Variants in ST14 observed in about 807,000 individuals in gnomAD.
ST14 encodes suppressor of tumorigenicity 14 protein.
In ST14, 40 loss-of-function variants were observed where a neutral mutation model predicts 96.5. That is an observed-to-expected ratio of 0.41 (90% CI 0.32 to 0.54). The LOEUF is 0.54. ST14 is among the 20% of genes least tolerant of loss of function. The probability of loss-of-function intolerance (pLI) is 0.17; values close to 1 mark genes in which losing one functional copy is unlikely to be tolerated. For missense variants in ST14, 1,066 were observed against 1,188.9 expected, an observed-to-expected ratio of 0.90 and a Z score of 1.52; for synonymous variants, 506 against 492.1, an observed-to-expected ratio of 1.03 and a Z score of -0.37.
In ST14 at chr11:130,209,694, G is replaced by A. The variant is rs1187950146; in HGVS notation, c.2439G>A (p.Glu813=). The A allele has an allele frequency of 6.2e-7, 1 of 1,613,724 alleles. No homozygotes were observed. The highest frequency in any genetic ancestry group is 1.1e-5 in the South Asian group (1 of 91,082). The change falls in exon 19 of 19, where the codon GAG becomes GAA. Residue 813 remains glutamate (E), a synonymous_variant. Transcript: ENST00000278742. ...CCGGGGGACCCCTGTCCAGCGTGGA[G>A]GCGGATGGGCGGATCTTCCAGGCCG... ...GDSGGPLSSV[E]ADGRIFQAGV...
Position 130,208,457 on chromosome 11 carries a change from A to G in ST14, c.2042A>G (p.Gln681Arg). The G allele has an allele frequency of 6.2e-7, 1 of 1,614,168 alleles. No individual in the cohort carries two copies. Among genetic ancestry groups the G allele is most frequent in the East Asian group, 2.2e-5 (1 of 44,882 alleles). ...QWTAFLGLHD[Q>R]SQRSAPGVQE... The stretch of plus-strand genomic sequence containing the variant: ...ACGGCCTTCCTGGGCTTGCACGACC[A>G]GAGCCAGCGCAGCGCCCCTGGGGTG... The change falls in exon 17 of 19, where the codon CAG (glutamine) becomes CGG (arginine). Residue 681 changes from glutamine (Q) to arginine (R), a missense_variant. By Grantham distance (43) the Gln-to-Arg change is conservative. Transcript: ENST00000278742.
chr11:130,176,371 T>C (rs1229484846), intron 1 of ST14, among the ~76,000 whole-genome samples: 1 of 141,984 alleles, frequency 7.0e-6, no homozygotes, highest in Non-Finnish European at 1.5e-5. Context: ...TTACTTTTCC[T>C]TTTTTTTTTT....
Position 130,187,350 on chromosome 11 carries a change from C to A in ST14, c.82-764C>A, listed in dbSNP as rs919115217. 1.3e-5 allele frequency among the ~76,000 whole-genome samples: 2 copies of A among 152,164 alleles called. No individual in the cohort carries two copies. The highest frequency in any genetic ancestry group is 1.9e-4 in the East Asian group (1 of 5,194). On this transcript the variant is annotated intron_variant, in intron 1 of 18. Coordinates refer to ENST00000278742, the MANE Select transcript of ST14 (RefSeq NM_021978.4). The surrounding 1 kb of genome is among the most constrained non-coding windows in gnomAD (Gnocchi z 4.5). ...GTATTCTGGCCCCTCATCATGGATA[C>A]CCTTGGCAGGGAGGAACCCGGGGAA... is the stretch of plus-strand genomic sequence containing the variant.
rs1440937401 is a variant in ST14, at chr11:130,209,474, A to T, written c.2302A>T (p.Ile768Phe). 2 of 1,585,976 alleles carry T rather than the reference A, an allele frequency of 1.3e-6. No homozygotes were observed. The highest frequency in any genetic ancestry group is 1.3e-5 in the African/African-American group (1 of 74,580). Reference protein sequence around the residue: ...TGALILQKGEIRVINQTTCEN... With the variant: ...TGALILQKGEFRVINQTTCEN... ...CGCGCTGATCCTGCAAAAGGGTGAG[A>T]TCCGCGTCATCAACCAGACCACCTG... The change falls in exon 18 of 19, where the codon ATC becomes TTC. Residue 768 changes from isoleucine to phenylalanine, a missense_variant. Physicochemically the swap from Ile to Phe is conservative, Grantham distance 21. Coordinates refer to ENST00000278742, the MANE Select transcript of ST14 (RefSeq NM_021978.4).
intron 1 of ST14, among the ~76,000 whole-genome samples, chr11:130,175,649 G>C (rs902374371): frequency 2.0e-5 from 3 of 150,968 alleles, no homozygotes; most frequent in African/African-American, 4.9e-5. Flanking sequence ...CCAAAATGCT[G>C]GTGGGATTAC....
At chr11:130,190,286 T>A in intron 6 of ST14, 138 bp downstream of exon 6, 1 of 1,474,310 alleles carries the variant, frequency 6.8e-7, no homozygotes, top group Non-Finnish European at 9.4e-7. Flanking sequence ...CCCTTCCTCT[T>A]CCAGGCCCTT....
At position 130,196,446 on chromosome 11, in the gene ST14, G is replaced by C; in HGVS notation, c.1221G>C (p.Glu407Asp). Residue 407 changes from glutamate to aspartate, a missense_variant and splice_region_variant, in exon 10 of 19, where the codon GAG becomes GAC. Transcript: ENST00000278742. ...CPKDYVEINGEKYCGERSQFV... is the reference protein window; with the variant it reads ...CPKDYVEINGDKYCGERSQFV... ...AGGACTACGTGGAGATCAACGGGGA[G>C]AAGTGAGTCCCCGGGGGTATGGGGG... 6.2e-7 allele frequency: 1 copy of C among 1,606,274 alleles called. No individual in the cohort carries two copies. Among genetic ancestry groups the C allele is most frequent in the Non-Finnish European group, 8.5e-7 (1 of 1,176,424 alleles).
rs751862793 is a variant in ST14, at chr11:130,198,425, G to C, written c.1570+7G>C. ...AGCGACGAGCAGGGGTGCAGTGAGT[G>C]CTGGGGAGGGGCTGCCTGGGCGGGC... On this transcript the variant is annotated splice_region_variant and intron_variant, in intron 13 of 18. Coordinates refer to ENST00000278742, the MANE Select transcript of ST14 (RefSeq NM_021978.4). 3.7e-6 allele frequency: 6 copies of C among 1,614,006 alleles called. No individual in the cohort carries two copies. The highest frequency in any genetic ancestry group is 5.1e-6 in the Non-Finnish European group (6 of 1,179,948).
In ST14 at chr11:130,197,869, G is replaced by C. The variant is rs583863; in HGVS notation, c.1383G>C (p.Thr461=). Reference sequence around the variant, plus strand: ...GCCCGGGGCAGTTCACGTGCCGCACGGGGCGGTGTATCCGGAAGGAGCTGC... The same window carrying C: ...GCCCGGGGCAGTTCACGTGCCGCACCGGGCGGTGTATCCGGAAGGAGCTGC... The part of the protein sequence containing the change: ...DPCPGQFTCR[T]GRCIRKELRC... The change falls in exon 12 of 19, where the codon ACG becomes ACC. Residue 461 remains threonine, a synonymous_variant. Coordinates refer to ENST00000278742, the MANE Select transcript of ST14 (RefSeq NM_021978.4). The C allele has an allele frequency of 1.9e-6, 3 of 1,591,194 alleles. No homozygotes were observed.
intron 1 of ST14, among the ~76,000 whole-genome samples, chr11:130,165,198 G>A (rs946979427): frequency 5.9e-5 from 9 of 152,202 alleles, no homozygotes; most frequent in Non-Finnish European, 1.0e-4. Flanking sequence ...TGCGGAACAG[G>A]GCTGTCAGCC....
chr11:130,190,617 G>A lies in ST14; in HGVS notation c.798G>A (p.Ala266=), dbSNP rs79231580. The A allele has an allele frequency of 2.0e-3, 3,159 of 1,612,784 alleles. 61 individuals are homozygous for A. In the African/African-American group the frequency reaches 0.036, roughly 18 times the overall value. The part of the protein sequence containing the change: ...LSLTFRSFDL[A]SCDERGSDLV... ...TCACCTTCCGCAGCTTTGACCTTGC[G>A]TCCTGCGACGAGCGCGGCAGCGACC... The change falls in exon 7 of 19, where the codon GCG becomes GCA. Residue 266 remains alanine, a synonymous_variant. Transcript: ENST00000278742.
Position 130,181,194 on chromosome 11 carries a change from ATGG to A in ST14, c.82-6915_82-6913del, listed in dbSNP as rs989318279. Among the ~76,000 whole-genome samples the A allele has an allele frequency of 1.3e-5, 2 of 150,824 alleles. No homozygotes were observed. The highest frequency in any genetic ancestry group is 4.9e-5 in the African/African-American group (2 of 40,876). On this transcript the variant is annotated intron_variant, in intron 1 of 18. Transcript: ENST00000278742. The surrounding 1 kb of genome is among the most constrained non-coding windows in gnomAD (Gnocchi z 4.1). Reference sequence around the variant, plus strand: ...TCTGATCTCGTCCCTGCTGGGTGGGATGGTGGTCTGATCTCGCCCCTGCTGGGT... The same window carrying A: ...TCTGATCTCGTCCCTGCTGGGTGGGATGGTCTGATCTCGCCCCTGCTGGGT...
chr11:130,198,061 C>T, intron 12 of ST14, 116 bp downstream of exon 12: 1 of 1,131,194 alleles, frequency 8.8e-7, no homozygotes, highest in African/African-American at 1.5e-5. Context: ...GGAGTTTTTG[C>T]TCTCGGCCCT....
rs550748759 is a variant in ST14 at position 130,181,563 on chromosome 11, C to T, written c.82-6551C>T. On this transcript the variant is annotated intron_variant, in intron 1 of 18. Transcript: ENST00000278742. The surrounding 1 kb of genome is among the most constrained non-coding windows in gnomAD (Gnocchi z 4.1). ...GGCGCAGGCATAGGATCTCTCCTGT[C>T]GGCTGTGGCCCAGTAGAGAGGTGTT... Among the ~76,000 whole-genome samples the T allele has an allele frequency of 3.9e-5, 6 of 152,316 alleles. No individual in the cohort carries two copies. Among genetic ancestry groups the T allele is most frequent in the South Asian group, 2.1e-4 (1 of 4,832 alleles).
chr11:130,190,500 C>T lies in ST14; in HGVS notation c.681C>T (p.Arg227=), dbSNP rs139384370. 1.2e-6 allele frequency: 2 copies of T among 1,608,910 alleles called. No homozygotes were observed. The highest frequency in any genetic ancestry group is 1.7e-6 in the Non-Finnish European group (2 of 1,179,886). ...ACGCCCGCGGTGTGGAGCTGATGCGCTTCACCACGCCCGGCTTCCCTGACA... is the reference window on the plus strand; with the variant it reads ...ACGCCCGCGGTGTGGAGCTGATGCGTTTCACCACGCCCGGCTTCCCTGACA... The part of the protein sequence containing the change: ...GLHARGVELM[R]FTTPGFPDSP... Residue 227 remains arginine, a synonymous_variant, in exon 7 of 19, where the codon CGC becomes CGT. Coordinates refer to ENST00000278742, the MANE Select transcript of ST14 (RefSeq NM_021978.4).
At chr11:130,174,367 G>A (rs1244632913) in intron 1 of ST14, among the ~76,000 whole-genome samples, 1 of 152,186 alleles carries the variant, frequency 6.6e-6, no homozygotes, top group African/African-American at 2.4e-5. Flanking sequence ...GATGAAAAAA[G>A]GGTTAAGAGA....
intron 10 of ST14, 44 bp from the exon 11 acceptor site, chr11:130,196,500 GTCCCACCAGACCCCCAGCCCCCCGGC>G: frequency 1.3e-6 from 2 of 1,578,398 alleles, no homozygotes; most frequent in Non-Finnish European, 1.7e-6. Context: ...AGGGGGAGGG[GTCCCACCAGACCCCCAGCCCCCCGGC>G]TCCCAGCTGT....
In ST14 at chr11:130,208,423, A is replaced by C; in HGVS notation, c.2008A>C (p.Thr670Pro). The C allele has an allele frequency of 6.2e-7, 1 of 1,614,078 alleles. No homozygotes were observed. The highest frequency in any genetic ancestry group is 8.5e-7 in the Non-Finnish European group (1 of 1,180,032). ...DDRGFRYSDP[T>P]QWTAFLGLHD... The stretch of plus-strand genomic sequence containing the variant: ...TCTCCCTACCAGGTACTCAGACCCC[A>C]CGCAGTGGACGGCCTTCCTGGGCTT... Residue 670 changes from threonine (T) to proline (P), a missense_variant, in exon 17 of 19, where the codon ACG (threonine) becomes CCG (proline). Thr to Pro is a conservative substitution (Grantham distance 38). Coordinates refer to ENST00000278742, the MANE Select transcript of ST14 (RefSeq NM_021978.4).
At position 130,199,084 on chromosome 11, in the gene ST14, C is replaced by T. The variant is rs186017623; in HGVS notation, c.1807+15C>T. On this transcript the variant is annotated intron_variant, in intron 15 of 18. Coordinates refer to ENST00000278742, the MANE Select transcript of ST14 (RefSeq NM_021978.4). ...GAAGGACTGCGGTGAGCAGGGCATC[C>T]GAGTACGGTTGTGCAGGTTGTTCAC... 80 of 1,611,652 alleles carry T rather than the reference C, an allele frequency of 5.0e-5. 1 individual carries two copies. The highest frequency in any genetic ancestry group is 3.6e-4 in the East Asian group (16 of 44,830).
Sources: gnomAD v4.1 joint callset for allele counts (sites outside exome capture counted in the v4.1 genomes callset) on GRCh38, gnomAD v4.1.1 for gene constraint, Gnocchi (gnomAD v3.1) non-coding constraint, MANE v1.5 for transcripts, NCBI Gene and HGNC (gene_info 2026-07-23, HGNC 2026-07-21) for gene names.